The following IFRD1 variants were observed in gnomAD, a reference collection of about 807,000 sequenced individuals.
The protein encoded by IFRD1 is interferon related developmental regulator 1.
In IFRD1, 35 loss-of-function variants were observed where a neutral mutation model predicts 52.9. That is an observed-to-expected ratio of 0.66 (90% CI 0.51 to 0.88). The LOEUF (loss-of-function observed/expected upper bound fraction) is 0.88. IFRD1 is among the 40% of genes least tolerant of loss of function. The probability of loss-of-function intolerance (pLI) is 0.00; values close to 1 mark genes in which losing one functional copy is unlikely to be tolerated. For missense variants in IFRD1, 517 were observed against 550.8 expected (o/e 0.94, Z 0.61); for synonymous variants, 184 against 188.4 (o/e 0.98, Z 0.19).
chr7:112,457,106 C>T (rs570093546), intron 4 of IFRD1, 68 bp downstream of exon 4: 733 of 1,512,212 alleles, frequency 4.8e-4, no homozygotes, highest in Non-Finnish European at 5.0e-4. Context: ...TTTTCAGTAA[C>T]ATTTAGTAAT....
intron 1 of IFRD1, among the ~76,000 whole-genome samples, chr7:112,437,963 T>C (rs1010301290): frequency 5.9e-5 from 9 of 152,124 alleles, no homozygotes; most frequent in Admixed American, 2.0e-4. Flanking sequence ...AGATGGATAG[T>C]AGAGCCATTA....
At chr7:112,460,804 G>A (rs1795416189) in intron 5 of IFRD1, among the ~76,000 whole-genome samples, 1 of 152,162 alleles carries the variant, frequency 6.6e-6, no homozygotes, top group African/African-American at 2.4e-5. Context: ...GATACCAATG[G>A]TGACTTTAAA....
intron 1 of IFRD1, among the ~76,000 whole-genome samples, chr7:112,432,725 A>G (rs1035733329): frequency 4.6e-5 from 7 of 152,220 alleles, no homozygotes; most frequent in Admixed American, 2.0e-4. Flanking sequence ...ATGTGGTCAC[A>G]CTGCTGGCCA....
At chr7:112,429,936 T>C (rs1166442344) in intron 1 of IFRD1, among the ~76,000 whole-genome samples, 1 of 152,240 alleles carries the variant, frequency 6.6e-6, no homozygotes, top group Non-Finnish European at 1.5e-5. Flanking sequence ...TTCTGAGCCA[T>C]AGAGCATAGT....
At chr7:112,473,835 T>C (rs1324975318) in intron 11 of IFRD1, among the ~76,000 whole-genome samples, 1 of 152,192 alleles carries the variant, frequency 6.6e-6, no homozygotes, top group Non-Finnish European at 1.5e-5. Context: ...ATTCATGATG[T>C]TGTACAACTC....
intron 5 of IFRD1, chr7:112,461,447 A>G (rs905096079): frequency 3.8e-5 from 6 of 156,250 alleles, no homozygotes; most frequent in Non-Finnish European, 8.4e-5. Context: ...GCACCTGTAA[A>G]GCATACAGAA....
chr7:112,469,906 G>A (rs1198947669), intron 9 of IFRD1, among the ~76,000 whole-genome samples: 1 of 150,878 alleles, frequency 6.6e-6, no homozygotes, highest in African/African-American at 2.4e-5. Flanking sequence ...GCACCTGCCT[G>A]AGAAAGGCCT....
intron 1 of IFRD1, chr7:112,452,150 G>A: frequency 2.2e-6 from 2 of 930,180 alleles, no homozygotes; most frequent in Non-Finnish European, 1.2e-6. Flanking sequence ...TGTGAATTGA[G>A]GATACTTTTT....
At chr7:112,442,556 C>T (rs558645197) in intron 1 of IFRD1, among the ~76,000 whole-genome samples, 22 of 152,194 alleles carry the variant, frequency 1.4e-4, no homozygotes, top group African/African-American at 2.2e-4. Flanking sequence ...AGCCTATGGA[C>T]TCACCGCTTA....
rs2117344820 is a variant in IFRD1 at position 112,475,621 on chromosome 7, CT to C, written c.*106del. ...TTTTATCCTGGATTAACTTAGATAA[CT>C]TTTGTAGCAGTGGTTATATTGCTTA... On this transcript the variant is annotated 3_prime_UTR_variant, in exon 12 of 12. Coordinates refer to ENST00000403825, the MANE Select transcript of IFRD1 (RefSeq NM_001550.4). 1.3e-6 allele frequency: 1 copy of C among 740,800 alleles called. No homozygotes were observed. The highest frequency in any genetic ancestry group is 2.7e-5 in the East Asian group (1 of 37,064). The allele number at this position is 740,800 out of a possible 1,614,324, so 45.9% of individuals were successfully genotyped here.
intron 9 of IFRD1, among the ~76,000 whole-genome samples, chr7:112,469,460 A>G (rs1389152343): frequency 6.6e-6 from 1 of 152,214 alleles, no homozygotes; most frequent in African/African-American, 2.4e-5. Flanking sequence ...GCAAATATCA[A>G]TATTAAGAAT....
chr7:112,467,848 T>C, intron 8 of IFRD1, 133 bp from the exon 9 acceptor site: 1 of 878,064 alleles, frequency 1.1e-6, no homozygotes, highest in Admixed American at 2.0e-5. Context: ...GCCTAGTCCC[T>C]AAATACCATG....
chr7:112,450,895 C>A, intron 1 of IFRD1, 113 bp downstream of exon 1: 1 of 777,280 alleles, frequency 1.3e-6, no homozygotes, highest in South Asian at 1.5e-5. Context: ...ATTTGCATTT[C>A]CAGGGTGCGT....
At chr7:112,461,029 C>T (rs565557749) in intron 5 of IFRD1, among the ~76,000 whole-genome samples, 1 of 152,202 alleles carries the variant, frequency 6.6e-6, no homozygotes, top group African/African-American at 2.4e-5. Flanking sequence ...ATGTTTTATT[C>T]GATAAGCTTT....
At position 112,450,614 on chromosome 7, in the gene IFRD1, G is replaced by A; in HGVS notation, c.-75G>A. The A allele has an allele frequency of 8.4e-7, 1 of 1,185,878 alleles. No individual in the cohort carries two copies. Among genetic ancestry groups the A allele is most frequent in the Non-Finnish European group, 1.3e-6 (1 of 794,710 alleles). 73.5% of individuals were successfully genotyped at this position (1,185,878 alleles called of 1,614,324 possible). A position where few individuals can be genotyped will look rare whatever the true frequency, so the allele number is the denominator to read the frequency against. ...CCTCTCAGCCGCCCGCCGCACAGAC[G>A]CACGAGTAAAAAGTGCAGCTCCATC... is the stretch of plus-strand genomic sequence containing the variant. On this transcript the variant is annotated 5_prime_UTR_variant, in exon 1 of 12. Transcript: ENST00000403825.
At chr7:112,453,856 A>G (rs1175477476) in intron 1 of IFRD1, among the ~76,000 whole-genome samples, 3 of 152,168 alleles carry the variant, frequency 2.0e-5, no homozygotes, top group Non-Finnish European at 4.4e-5. Context: ...ATTTTAAAAA[A>G]GACAACTCCG....
chr7:112,435,653 T>TGTGTGTGTGTGTGTGTGTGTGTGC (rs1358291906), intron 1 of IFRD1: 1 of 149,294 alleles, frequency 6.7e-6, no homozygotes. Context: ...TGTGTGTGTG[T>TGTGTGTGTGTGTGTGTGTGTGTGC]GTGCGTGCTT....
intron 1 of IFRD1, among the ~76,000 whole-genome samples, chr7:112,444,649 C>T (rs1185933374): frequency 1.3e-5 from 2 of 152,028 alleles, no homozygotes; most frequent in Non-Finnish European, 2.9e-5. Context: ...ACTGAATGTC[C>T]CCTGTATACT....
At chr7:112,463,964 C>G (rs899954923) in intron 8 of IFRD1, among the ~76,000 whole-genome samples, 3 of 149,914 alleles carry the variant, frequency 2.0e-5, no homozygotes, top group African/African-American at 7.4e-5. Flanking sequence ...AGACATATTT[C>G]ATTTGACTTG....
Sources: allele counts gnomAD v4.1 joint callset (sites outside exome capture counted in the v4.1 genomes callset), GRCh38; gene constraint gnomAD v4.1.1; transcripts MANE v1.5; gene names NCBI Gene and HGNC (gene_info 2026-07-23, HGNC 2026-07-21).